Variants in TMEM132D observed in about 807,000 individuals in gnomAD.
TMEM132D encodes the protein transmembrane protein 132D.
Under a neutral mutation model 62.3 loss-of-function variants are expected in TMEM132D, and 21 were observed. The ratio of observed to expected loss-of-function variants is 0.34; its 90% CI spans 0.24 to 0.49. The LOEUF (loss-of-function observed/expected upper bound fraction) is 0.49, where lower values mean the gene tolerates loss of function less well. Ranked by LOEUF, TMEM132D falls within the 20% of genes least tolerant of loss-of-function variation. TMEM132D has a pLI of 0.99. For missense variants in TMEM132D, 1,346 were observed against 1,402.8 expected (o/e 0.96, Z 0.65); for synonymous variants, 621 against 575.6 (o/e 1.08, Z -1.13).
At position 129,759,438 on chromosome 12, in the gene TMEM132D, G is replaced by A. The variant is rs138639541; in HGVS notation, c.80-58740C>T. On this transcript the variant is annotated intron_variant, in intron 1 of 8. Coordinates refer to ENST00000422113, the MANE Select transcript of TMEM132D (RefSeq NM_133448.3). ...TTTGAACTAGCAGTTGAGAACGGAA[G>A]GAAGCCTTACTCCCGTGGCACTACA... 2.4e-3 allele frequency among the ~76,000 whole-genome samples: 358 copies of A among 152,306 alleles called. 3 individuals carry two copies. The highest frequency in any genetic ancestry group is 8.1e-3 in the African/African-American group (338 of 41,558).
intron 4 of TMEM132D, among the ~76,000 whole-genome samples, chr12:129,266,064 T>C (rs967208663): frequency 6.6e-6 from 1 of 152,108 alleles, no homozygotes; most frequent in African/African-American, 2.4e-5. Context: ...TGAGAGATTT[T>C]TGTCTTGGCT....
rs753657574 is a variant in TMEM132D, at chr12:129,700,005, T to A, written c.773A>T (p.Asp258Val). The A allele has an allele frequency of 6.2e-7, 1 of 1,614,046 alleles. No homozygotes were observed. Among genetic ancestry groups the A allele is most frequent in the East Asian group, 2.2e-5 (1 of 44,856 alleles). The change falls in exon 2 of 9, where the codon GAT becomes GTT. Residue 258 changes from aspartate to valine, a missense_variant. Physicochemically the swap from Asp to Val is radical, Grantham distance 152. Transcript: ENST00000422113. ...NGIRTGHSDIDESGPPLQRIG... is the reference protein window; with the variant it reads ...NGIRTGHSDIVESGPPLQRIG... ...CCTCTGCAAGGGGGGCCCGGACTCA[T>A]CGATGTCACTGTGGCCTGTCCGGAT...
At chr12:129,266,429 T>C (rs567286657) in intron 4 of TMEM132D, among the ~76,000 whole-genome samples, 1 of 149,862 alleles carries the variant, frequency 6.7e-6, no homozygotes, top group Non-Finnish European at 1.5e-5. Flanking sequence ...GTTCTGCCCT[T>C]CCCCTCTCTT....
chr12:129,434,606 G>A (rs566352478), intron 3 of TMEM132D, among the ~76,000 whole-genome samples: 9 of 152,098 alleles, frequency 5.9e-5, no homozygotes, highest in Admixed American at 3.3e-4. Flanking sequence ...GTCCTGAGAC[G>A]AATCCAGGAT....
intron 2 of TMEM132D, among the ~76,000 whole-genome samples, chr12:129,667,503 T>C (rs1318724699): frequency 2.6e-5 from 4 of 152,148 alleles, no homozygotes; most frequent in Admixed American, 2.0e-4. Context: ...TCTTTTAAGA[T>C]TTTGGAGTTA....
At chr12:129,197,215 A>G (rs1878573689) in intron 5 of TMEM132D, among the ~76,000 whole-genome samples, 1 of 152,182 alleles carries the variant, frequency 6.6e-6, no homozygotes, top group Non-Finnish European at 1.5e-5. Context: ...TAATTTTTAT[A>G]TATCCACTCT....
At chr12:129,138,502 G>A (rs1467674452) in intron 5 of TMEM132D, among the ~76,000 whole-genome samples, 2 of 152,184 alleles carry the variant, frequency 1.3e-5, no homozygotes, top group Admixed American at 1.3e-4. Flanking sequence ...AGGATCACCT[G>A]AGGTCAGGAG....
chr12:129,699,818 G>T lies in TMEM132D; in HGVS notation c.960C>A (p.Phe320Leu). 6.2e-7 allele frequency: 1 copy of T among 1,613,878 alleles called. No homozygotes were observed. The highest frequency in any genetic ancestry group is 8.5e-7 in the Non-Finnish European group (1 of 1,179,886). ...SISRNSTEDR[F>L]TLRAKVKKGV... is the part of the protein sequence containing the mutation. ...ATTGGGAAACGACTTACCTCAACGT[G>T]AAGCGATCTTCAGTGGAATTTCTGG... The change falls in exon 2 of 9, where the codon TTC (phenylalanine) becomes TTA (leucine). Residue 320 changes from phenylalanine (F) to leucine (L), a missense_variant. Transcript: ENST00000422113.
At chr12:129,689,058 G>T (rs943399514) in intron 2 of TMEM132D, among the ~76,000 whole-genome samples, 8 of 152,132 alleles carry the variant, frequency 5.3e-5, no homozygotes, top group Admixed American at 5.2e-4. Flanking sequence ...GCTTCTCAAC[G>T]TCCTACAATG....
intron 1 of TMEM132D, among the ~76,000 whole-genome samples, chr12:129,859,143 G>A (rs2137365989): frequency 6.6e-6 from 1 of 152,318 alleles, no homozygotes; most frequent in East Asian, 1.9e-4. Context: ...AGGACACGGT[G>A]AGAAGGTGCC....
At chr12:129,087,969 C>T (rs1314182650) in intron 5 of TMEM132D, among the ~76,000 whole-genome samples, 1,301 of 106,690 alleles carry the variant, frequency 0.012, 186 homozygotes, top group African/African-American at 0.04. Context: ...CCGGGGTGTC[C>T]TCCATGACCG....
chr12:129,747,841 GACACACACAGACACACACACACACGACAC>G (rs1170883624), intron 1 of TMEM132D, among the ~76,000 whole-genome samples: 1 of 73,704 alleles, frequency 1.4e-5, no homozygotes, highest in Admixed American at 1.3e-4. Context: ...CACACATTCA[GACACACACAGACACACACACACACGACAC>G]ACACACACAT....
At position 129,074,804 on chromosome 12, in the gene TMEM132D, C is replaced by T. The variant is rs752054004; in HGVS notation, c.2371G>A (p.Ala791Thr). 3 of 1,613,948 alleles carry T rather than the reference C, an allele frequency of 1.9e-6. No individual in the cohort carries two copies. Among genetic ancestry groups the T allele is most frequent in the East Asian group, 2.2e-5 (1 of 44,894 alleles). The change falls in exon 9 of 9, where the codon GCA (alanine) becomes ACA (threonine). Residue 791 changes from alanine (A) to threonine (T), a missense_variant. Transcript: ENST00000422113. ...KRKSVLAVGT[A>T]NIKVKFGQND... ...TGGCCAAATTTAACTTTGATGTTTGCCGTTCCAACAGCTAACACACTCTTC... is the reference window on the plus strand; with the variant it reads ...TGGCCAAATTTAACTTTGATGTTTGTCGTTCCAACAGCTAACACACTCTTC...
chr12:129,562,962 C>A (rs1486488970), intron 2 of TMEM132D, among the ~76,000 whole-genome samples: 1 of 152,168 alleles, frequency 6.6e-6, no homozygotes, highest in East Asian at 1.9e-4. Flanking sequence ...CGGCACCTAC[C>A]ATCTTGTGCT....
At chr12:129,440,041 T>C (rs1298490313) in intron 3 of TMEM132D, among the ~76,000 whole-genome samples, 1 of 152,192 alleles carries the variant, frequency 6.6e-6, no homozygotes, top group African/African-American at 2.4e-5. Context: ...GAGGTGTTAT[T>C]TGGCGAAGCC....
At chr12:129,123,735 T>C (rs1000746172) in intron 5 of TMEM132D, among the ~76,000 whole-genome samples, 1 of 152,222 alleles carries the variant, frequency 6.6e-6, no homozygotes, top group Non-Finnish European at 1.5e-5. Flanking sequence ...CCAGTGCGGA[T>C]GGGCCTCATC....
At chr12:129,643,591 C>A (rs1187513249) in intron 2 of TMEM132D, among the ~76,000 whole-genome samples, 3 of 152,092 alleles carry the variant, frequency 2.0e-5, no homozygotes, top group African/African-American at 7.2e-5. Flanking sequence ...AATCTTGGGG[C>A]CCCCAAATCA....
At chr12:129,388,229 G>A (rs1199005918) in intron 3 of TMEM132D, among the ~76,000 whole-genome samples, 212 of 124,760 alleles carry the variant, frequency 1.7e-3, no homozygotes, top group African/African-American at 5.8e-3. Flanking sequence ...ACACTAACAC[G>A]AATCCTAATA....
At chr12:129,446,751 G>C (rs1361065294) in intron 3 of TMEM132D, among the ~76,000 whole-genome samples, 1 of 152,102 alleles carries the variant, frequency 6.6e-6, no homozygotes, top group Non-Finnish European at 1.5e-5. Flanking sequence ...ATATATTCCA[G>C]GCTTTGATTT....
Sources: allele counts gnomAD v4.1 joint callset (sites outside exome capture counted in the v4.1 genomes callset), GRCh38; gene constraint gnomAD v4.1.1; transcripts MANE v1.5; gene names NCBI Gene and HGNC (gene_info 2026-07-23, HGNC 2026-07-21).